The following NXF2 variants were observed in gnomAD, a reference collection of about 807,000 sequenced individuals.
NXF2 encodes the protein TAP-like protein 2.
intron 2 of NXF2, among the ~76,000 whole-genome samples, chrX:102,286,246 GT>G (rs1933940575): frequency 1.7e-5 from 2 of 114,895 alleles, no homozygotes; most frequent in Non-Finnish European, 3.7e-5. Context: ...AGCTATGGTG[GT>G]GGCTGCTGGC....
chrX:102,252,273 G>A (rs1428123071), intron 2 of NXF2, among the ~76,000 whole-genome samples: 3 of 58,856 alleles, frequency 5.1e-5, no homozygotes, highest in Admixed American at 2.1e-4. Context: ...GATTATAGGC[G>A]TGAGCCACCC....
rs1233726447 is a variant in NXF2 at position 102,285,939 on chromosome X, TTG to T, written c.-53-21085_-53-21084del. On this transcript the variant is annotated intron_variant, in intron 2 of 22. Coordinates refer to ENST00000625106, the MANE Select transcript of NXF2 (RefSeq NM_022053.4). ...CATGGTTTTTTTTGTTTGTTTGTTT[TTG>T]TTTTTTTTTTTTTTTCTGGACTCTG... Among the ~76,000 whole-genome samples the T allele has an allele frequency of 1.9e-3, 62 of 32,777 alleles. No individual in the cohort carries two copies. The East Asian group carries it at 0.048, about 25-fold the overall frequency. The allele number at this position is 32,777 out of a possible 115,157, so 28.5% of individuals were successfully genotyped here. A position where few individuals can be genotyped will look rare whatever the true frequency, so the allele number is the denominator to read the frequency against.
intron 2 of NXF2, among the ~76,000 whole-genome samples, chrX:102,251,914 C>T (rs1260045254): frequency 8.8e-6 from 1 of 113,942 alleles, no homozygotes; most frequent in African/African-American, 3.2e-5. Context: ...TTCATTGCCT[C>T]CGGAATTTGA....
At chrX:102,282,143 C>T (rs1933924385) in intron 2 of NXF2, among the ~76,000 whole-genome samples, 1 of 89,173 alleles carries the variant, frequency 1.1e-5, no homozygotes. Context: ...ATGGCCTAGT[C>T]TGCCTTTCAA....
chrX:102,252,124 C>T (rs1933827912), intron 2 of NXF2, among the ~76,000 whole-genome samples: 1 of 75,384 alleles, frequency 1.3e-5, no homozygotes, highest in South Asian at 1.0e-3. Context: ...TCTCGAGTAG[C>T]TGGGATTACA....
rs1289270686 is a variant in NXF2, at chrX:102,274,512, TTCTTCTTCTTCC to T, written c.-54+25960_-54+25971del. Among the ~76,000 whole-genome samples the T allele has an allele frequency of 7.5e-3, 28 of 3,734 alleles. 5 individuals carry two copies. The highest frequency in any genetic ancestry group is 0.083 in the Middle Eastern group (1 of 12). The allele number at this position is 3,734 out of a possible 115,157, so 3.2% of individuals were successfully genotyped here. ...CTTCTTCTTCTTCTTCTTCTTCTTC[TTCTTCTTCTTCC>T]TCTTCCTCTTCCTCTTCCTCTTCTT... On this transcript the variant is annotated intron_variant, in intron 2 of 22. Coordinates refer to ENST00000625106, the MANE Select transcript of NXF2 (RefSeq NM_022053.4).
At chrX:102,251,082 G>A (rs1322774770) in intron 2 of NXF2, among the ~76,000 whole-genome samples, 4 of 2,931 alleles carry the variant, frequency 1.4e-3, no homozygotes, top group Non-Finnish European at 1.6e-3. Context: ...AAGTGGCTAG[G>A]ACTACAGGTG....
At chrX:102,252,416 C>T (rs1419804824) in intron 2 of NXF2, among the ~76,000 whole-genome samples, 13 of 3,051 alleles carry the variant, frequency 4.3e-3, no homozygotes, top group African/African-American at 0.018. Flanking sequence ...TTTTTCCAGA[C>T]GTCTCAGTTG....
intron 2 of NXF2, among the ~76,000 whole-genome samples, chrX:102,251,915 C>T (rs1183974307): frequency 1.8e-5 from 2 of 114,005 alleles, no homozygotes; most frequent in African/African-American, 3.2e-5. Flanking sequence ...TCATTGCCTC[C>T]GGAATTTGAA....
chrX:102,294,108 T>G (rs1382238225), intron 2 of NXF2, among the ~76,000 whole-genome samples: 3 of 85,026 alleles, frequency 3.5e-5, no homozygotes, highest in Non-Finnish European at 6.4e-5. Flanking sequence ...AGTTAATGGG[T>G]GCAGCACACC....
chrX:102,298,784 A>G (rs1934009483), intron 2 of NXF2, among the ~76,000 whole-genome samples: 1 of 114,719 alleles, frequency 8.7e-6, no homozygotes, highest in South Asian at 3.4e-4. Context: ...ATTGAGGATC[A>G]TGATGGAAAA....
Position 102,281,728 on chromosome X carries a change from ACC to A in NXF2, c.-53-25290_-53-25289del, listed in dbSNP as rs61468793. Among the ~76,000 whole-genome samples the A allele has an allele frequency of 5.2e-4, 29 of 55,640 alleles. 2 individuals carry two copies. The East Asian group carries it at 0.081, about 155-fold the overall frequency. 48.3% of individuals were successfully genotyped at this position (55,640 alleles called of 115,157 possible). A position where few individuals can be genotyped will look rare whatever the true frequency, so the allele number is the denominator to read the frequency against. ...AGCTGGTATCTCAGTATGTCGTGTG[ACC>A]CCCCCCCTCCCCCGACCCCTGGTCC... On this transcript the variant is annotated intron_variant, in intron 2 of 22. Transcript: ENST00000625106.
chrX:102,294,524 T>C (rs1321964044), intron 2 of NXF2, among the ~76,000 whole-genome samples: 22 of 89,490 alleles, frequency 2.5e-4, no homozygotes, highest in Non-Finnish European at 4.5e-4. Context: ...AGAGGCAAGA[T>C]AGTCTAACGC....
intron 2 of NXF2, among the ~76,000 whole-genome samples, chrX:102,288,863 CT>C (rs1170249159): frequency 9.6e-5 from 1 of 10,390 alleles, no homozygotes; most frequent in Non-Finnish European, 1.4e-4. Context: ...TATTTTTTGA[CT>C]TTTTAATTAT....
At chrX:102,248,154 T>G (rs1189923745) in intron 1 of NXF2, among the ~76,000 whole-genome samples, 1 of 3,775 alleles carries the variant, frequency 2.6e-4, no homozygotes, top group Admixed American at 4.6e-3. Flanking sequence ...GCCACTGATT[T>G]TGTCTTTTAA....
At chrX:102,294,428 C>T (rs1177028570) in intron 2 of NXF2, among the ~76,000 whole-genome samples, 1 of 93,160 alleles carries the variant, frequency 1.1e-5, no homozygotes, top group Admixed American at 1.4e-4. Flanking sequence ...TAAATGGCTC[C>T]ACAGAGAAAA....
intron 2 of NXF2, among the ~76,000 whole-genome samples, chrX:102,254,546 G>A (rs1431692245): frequency 8.1e-5 from 5 of 61,381 alleles, no homozygotes; most frequent in Non-Finnish European, 1.5e-4. Flanking sequence ...GCCATCTCTT[G>A]GCTTTTTGAT....
chrX:102,294,434 G>T (rs1933994314), intron 2 of NXF2, among the ~76,000 whole-genome samples: 1 of 93,489 alleles, frequency 1.1e-5, no homozygotes, highest in African/African-American at 3.5e-5. Context: ...GCTCCACAGA[G>T]AAAAGAGATT....
intron 2 of NXF2, among the ~76,000 whole-genome samples, chrX:102,252,055 C>T (rs1450311646): frequency 7.2e-4 from 79 of 109,443 alleles, no homozygotes; most frequent in African/African-American, 2.3e-3. Flanking sequence ...TGCAGTGGCG[C>T]GATCTCGGCT....
Sources: gnomAD v4.1 joint callset for allele counts (sites outside exome capture counted in the v4.1 genomes callset) on GRCh38, gnomAD v4.1.1 for gene constraint, MANE v1.5 for transcripts, NCBI Gene and HGNC (gene_info 2026-07-23, HGNC 2026-07-21) for gene names.